INCENP: variants seen among roughly 807,000 people sequenced by gnomAD.
INCENP encodes binds and activates aurora-B and -C in vivo and in vitro.
INCENP carries 43 observed loss-of-function variants against 107.3 expected under a neutral mutation model. The ratio of observed to expected loss-of-function variants is 0.40; its 90% confidence interval spans 0.31 to 0.52. The LOEUF (loss-of-function observed/expected upper bound fraction) is 0.52. Ranked by LOEUF, INCENP falls within the 20% of genes least tolerant of loss-of-function variation. The pLI is 0.53. For missense variants in INCENP, 1,089 were observed against 1,250.9 expected (o/e 0.87, Z 1.95); for synonymous variants, 488 against 494.4 (o/e 0.99, Z 0.17).
chr11:62,125,860 A>G (rs1943737562), intron 1 of INCENP, among the ~76,000 whole-genome samples: 1 of 152,252 alleles, frequency 6.6e-6, no homozygotes, highest in Non-Finnish European at 1.5e-5. Context: ...AGGGACAGGC[A>G]GTAAGCAACA....
intron 11 of INCENP, among the ~76,000 whole-genome samples, chr11:62,143,516 A>T (rs1944169751): frequency 2.0e-5 from 3 of 151,878 alleles, no homozygotes. Context: ...GCTCCTCTTT[A>T]GTTTTCAGAG....
intron 1 of INCENP, among the ~76,000 whole-genome samples, chr11:62,126,769 C>T (rs1943759562): frequency 6.6e-6 from 1 of 152,160 alleles, no homozygotes; most frequent in Non-Finnish European, 1.5e-5. Context: ...TGCATATAAC[C>T]TACACACATC....
chr11:62,142,659 G>T (rs754430033), intron 11 of INCENP, among the ~76,000 whole-genome samples: 1 of 150,108 alleles, frequency 6.7e-6, no homozygotes, highest in Non-Finnish European at 1.5e-5. Flanking sequence ...CAATTGACCT[G>T]GTTAGGTTTA....
rs754798902 is a variant in INCENP at position 62,141,002 on chromosome 11, G to T, written c.1551G>T (p.Lys517Asn). ...TPTSAPRSVM[K>N]SFIKRNTPLR... is the part of the protein sequence containing the mutation. ...CCTCAGCCCCACGCAGCGTCATGAA[G>T]TCCTTTATTAAGCGCAACACTCCCC... is the stretch of plus-strand genomic sequence containing the variant. Residue 517 changes from lysine (K) to asparagine (N), a missense_variant, in exon 10 of 19, where the codon AAG becomes AAT. By Grantham distance (94) the Lys-to-Asn change is moderately conservative. Coordinates refer to ENST00000394818, the MANE Select transcript of INCENP (RefSeq NM_001040694.2). 6.2e-7 allele frequency: 1 copy of T among 1,613,968 alleles called. No homozygotes were observed. Among genetic ancestry groups the T allele is most frequent in the African/African-American group, 1.3e-5 (1 of 74,912 alleles).
intron 14 of INCENP, 84 bp from the exon 15 acceptor site, chr11:62,146,574 C>T (rs1944246711): frequency 1.3e-6 from 2 of 1,520,212 alleles, no homozygotes; most frequent in Non-Finnish European, 1.8e-6. Context: ...ATGAGGGGCA[C>T]CTGGGCTTCG....
At chr11:62,131,625 A>C (rs570051691) in intron 4 of INCENP, among the ~76,000 whole-genome samples, 48 of 152,180 alleles carry the variant, frequency 3.2e-4, no homozygotes, top group Non-Finnish European at 6.2e-4. Flanking sequence ...GCTCATGCTC[A>C]CACAAGAGCT....
chr11:62,141,652 G>A, intron 11 of INCENP, 141 bp downstream of exon 11: 1 of 1,170,994 alleles, frequency 8.5e-7, no homozygotes. Context: ...GAGTGGGACG[G>A]TGAGGGGTGC....
At position 62,146,955 on chromosome 11, in the gene INCENP, C is replaced by T. The variant is rs1038309137; in HGVS notation, c.2204+53C>T. Reference sequence around the variant, plus strand: ...GCCTTCCATGTGTGTGGAAGAGAGACGGTGTGAACCTTGCCTGGACACAGC... The same window carrying T: ...GCCTTCCATGTGTGTGGAAGAGAGATGGTGTGAACCTTGCCTGGACACAGC... On this transcript the variant is annotated intron_variant, in intron 15 of 18. Coordinates refer to ENST00000394818, the MANE Select transcript of INCENP (RefSeq NM_001040694.2). The T allele has an allele frequency of 2.2e-4, 350 of 1,585,860 alleles. 1 individual carries two copies. Among genetic ancestry groups the T allele is most frequent in the Non-Finnish European group, 2.8e-4 (327 of 1,172,670 alleles).
chr11:62,145,665 A>T lies in INCENP; in HGVS notation c.1873A>T (p.Lys625Ter). 1 of 1,581,530 alleles carries T rather than the reference A, an allele frequency of 6.3e-7. No individual in the cohort carries two copies. The highest frequency in any genetic ancestry group is 8.6e-7 in the Non-Finnish European group (1 of 1,164,002). The change falls in exon 14 of 19, where the codon AAA becomes TAA. Residue 625 changes from lysine to a stop codon, truncating the protein, a stop_gained. Coordinates refer to ENST00000394818, the MANE Select transcript of INCENP (RefSeq NM_001040694.2). LOFTEE classifies it high-confidence loss of function. ...GCGGCTGGCAGAGGAGAAGGCCAAG[A>T]AAAAGGCGGCGGCCAAGAAGATGGA... is the stretch of plus-strand genomic sequence containing the variant. ...EERLAEEKAK[K>*]KAAAKKMEEV...
rs560637379 is a variant in INCENP at position 62,128,677 on chromosome 11, G to A, written c.141-93G>A. On this transcript the variant is annotated intron_variant, in intron 2 of 18. Coordinates refer to ENST00000394818, the MANE Select transcript of INCENP (RefSeq NM_001040694.2). ...GCTGGACACCCCAGCTTGACCTGTC[G>A]CTGCCAGGAAATGGGCAGGGGCCAG... The A allele has an allele frequency of 1.2e-5, 11 of 898,566 alleles. No homozygotes were observed. In the East Asian group the frequency reaches 1.7e-4, roughly 14 times the overall value. The allele number at this position is 898,566 out of a possible 1,614,324, so 55.7% of individuals were successfully genotyped here.
At chr11:62,140,655 C>A in intron 8 of INCENP, 49 bp from the exon 9 acceptor site, 1 of 1,479,426 alleles carries the variant, frequency 6.8e-7, no homozygotes, top group Non-Finnish European at 9.2e-7. Flanking sequence ...TGGGGTGTGG[C>A]TGGGCTGTGG....
rs1392706658 is a variant in INCENP, at chr11:62,145,173, C to T, written c.1720C>T (p.Arg574Cys). Residue 574 changes from arginine to cysteine, a missense_variant, in exon 13 of 19, where the codon CGT becomes TGT. Coordinates refer to ENST00000394818, the MANE Select transcript of INCENP (RefSeq NM_001040694.2). ...TGACTATCCTATGCCCCGCAGGAAG[C>T]GTGAGGAACGCCTCCGCAAGGTGCT... Reference protein sequence around the residue: ...RRRLEEVKLKREERLRKVLQA... With the variant: ...RRRLEEVKLKCEERLRKVLQA... 4 of 1,614,120 alleles carry T rather than the reference C, an allele frequency of 2.5e-6. No homozygotes were observed. Among genetic ancestry groups the T allele is most frequent in the South Asian group, 1.1e-5 (1 of 91,090 alleles).
intron 4 of INCENP, among the ~76,000 whole-genome samples, chr11:62,137,295 T>G (rs1011718300): frequency 5.9e-5 from 9 of 152,114 alleles, no homozygotes; most frequent in African/African-American, 2.2e-4. Flanking sequence ...AGAGCAAGAC[T>G]CCGTCTCAAA....
At chr11:62,148,188 AT>A (rs770109219) in intron 15 of INCENP, among the ~76,000 whole-genome samples, 8 of 152,160 alleles carry the variant, frequency 5.3e-5, no homozygotes, top group Admixed American at 1.3e-4. Flanking sequence ...GAAATGTGTT[AT>A]GGTCTCCATT....
Position 62,152,076 on chromosome 11 carries a change from C to T in INCENP, c.*100C>T. 4 of 887,746 alleles carry T rather than the reference C, an allele frequency of 4.5e-6. No individual in the cohort carries two copies. Among genetic ancestry groups the T allele is most frequent in the Middle Eastern group, 3.4e-4 (1 of 2,916 alleles). The allele number at this position is 887,746 out of a possible 1,614,324, so 55.0% of individuals were successfully genotyped here. A position where few individuals can be genotyped will look rare whatever the true frequency, so the allele number is the denominator to read the frequency against. On this transcript the variant is annotated 3_prime_UTR_variant, in exon 19 of 19. Coordinates refer to ENST00000394818, the MANE Select transcript of INCENP (RefSeq NM_001040694.2). Reference sequence around the variant, plus strand: ...GTCTGTTGCCCTCCTTCTTGGCATGCCATTGTGGAGGGCTTGGCCAGGTGT... The same window carrying T: ...GTCTGTTGCCCTCCTTCTTGGCATGTCATTGTGGAGGGCTTGGCCAGGTGT...
In INCENP at chr11:62,130,549, A is replaced by G. The variant is rs779427138; in HGVS notation, c.1022A>G (p.Lys341Arg). 29 of 1,613,800 alleles carry G rather than the reference A, an allele frequency of 1.8e-5. No individual in the cohort carries two copies. The East Asian group carries it at 6.0e-4, about 33-fold the overall frequency. ...CGCAGGGCGAGCAGAAGGCTTGCCA[A>G]GAAGACTGCCGAAGAGCCAGCTGCC... ...VVRRASRRLA[K>R]KTAEEPAASG... Residue 341 changes from lysine to arginine, a missense_variant, in exon 4 of 19, where the codon AAG becomes AGG. Physicochemically the swap from Lys to Arg is conservative, Grantham distance 26. Transcript: ENST00000394818.
At position 62,130,720 on chromosome 11, in the gene INCENP, G is replaced by A. The variant is rs1792943; in HGVS notation, c.1063+130G>A. 0.54 allele frequency: 414,344 copies of A among 773,426 alleles called. 121,819 individuals are homozygous for A. Among genetic ancestry groups the A allele is most frequent in the Non-Finnish European group, 0.63 (303,800 of 482,322 alleles). 47.9% of individuals were successfully genotyped at this position (773,426 alleles called of 1,614,324 possible). ...AGTGAGGTAGATGTTACACATCTGTGCTGTCCTGGGATGGTGGCCGCTAGC... is the reference window on the plus strand; with the variant it reads ...AGTGAGGTAGATGTTACACATCTGTACTGTCCTGGGATGGTGGCCGCTAGC... On this transcript the variant is annotated intron_variant, in intron 4 of 18. Transcript: ENST00000394818.
At chr11:62,147,105 C>CTTGGT (rs1437845247) in intron 15 of INCENP, among the ~76,000 whole-genome samples, 2 of 152,138 alleles carry the variant, frequency 1.3e-5, no homozygotes, top group East Asian at 3.8e-4. Flanking sequence ...TAGGGCTTGG[C>CTTGGT]TTGGTTCTGC....
Position 62,141,031 on chromosome 11 carries a change from G to A in INCENP, c.1580G>A (p.Arg527His), listed in dbSNP as rs746144974. 21 of 1,613,438 alleles carry A rather than the reference G, an allele frequency of 1.3e-5. No homozygotes were observed. The highest frequency in any genetic ancestry group is 1.4e-5 in the Non-Finnish European group (16 of 1,179,772). The change falls in exon 10 of 19, where the codon CGC (arginine) becomes CAC (histidine). Residue 527 changes from arginine to histidine, a missense_variant. Arg to His is a conservative substitution (Grantham distance 29). Coordinates refer to ENST00000394818, the MANE Select transcript of INCENP (RefSeq NM_001040694.2). ...KSFIKRNTPL[R>H]MDPKCSFVEK... ...TTTATTAAGCGCAACACTCCCCTGC[G>A]CATGGACCCCAAGGTGAGGGGCCTG...
Sources: gnomAD v4.1 joint callset for allele counts (sites outside exome capture counted in the v4.1 genomes callset) on GRCh38, gnomAD v4.1.1 for gene constraint, MANE v1.5 for transcripts, NCBI Gene and HGNC (gene_info 2026-07-23, HGNC 2026-07-21) for gene names.